The following SCMH1 variants were observed in gnomAD, a reference collection of about 807,000 sequenced individuals.
SCMH1 encodes the protein Scm polycomb group protein homolog 1, also known as polycomb protein SCMH1.
A neutral mutation model predicts 70.8 loss-of-function variants in SCMH1; 37 were observed. The observed-to-expected ratio is 0.52, with a 90% CI of 0.40 to 0.69. The LOEUF is 0.69. Ranked by LOEUF, SCMH1 falls within the 30% of genes least tolerant of loss-of-function variation. The probability of loss-of-function intolerance (pLI) is 0.00; values close to 1 mark genes in which losing one functional copy is unlikely to be tolerated. For synonymous variants in SCMH1, 292 were observed against 307.4 expected, an observed-to-expected ratio of 0.95 and a Z score of 0.52; for missense variants, 607 against 827.3, an observed-to-expected ratio of 0.73 and a Z score of 3.27.
chr1:41,149,328 C>T (rs1644859782), intron 5 of SCMH1, among the ~76,000 whole-genome samples: 1 of 152,132 alleles, frequency 6.6e-6, no homozygotes, highest in South Asian at 2.1e-4. Flanking sequence ...GTGTATTTTT[C>T]ATTTCCCACA....
chr1:41,138,224 G>A (rs1340723953), intron 6 of SCMH1, among the ~76,000 whole-genome samples: 1 of 152,016 alleles, frequency 6.6e-6, no homozygotes, highest in Non-Finnish European at 1.5e-5. Flanking sequence ...AAGTTTAGAA[G>A]AAATTTTCTT....
chr1:41,209,559 A>G (rs905491565), intron 1 of SCMH1, among the ~76,000 whole-genome samples: 2 of 152,286 alleles, frequency 1.3e-5, no homozygotes, highest in Non-Finnish European at 2.9e-5. Flanking sequence ...AGGCTGGTTC[A>G]ACATATGCAA....
At chr1:41,043,813 G>T (rs757163779) in intron 12 of SCMH1, 1 of 151,950 alleles carries the variant, frequency 6.6e-6, no homozygotes, top group Non-Finnish European at 1.5e-5. Context: ...AAACACAAAA[G>T]TATTTAAGGA....
At chr1:41,137,039 G>A (rs1055664479) in intron 6 of SCMH1, among the ~76,000 whole-genome samples, 4 of 151,934 alleles carry the variant, frequency 2.6e-5, no homozygotes, top group East Asian at 1.9e-4. Context: ...CCTTGGCCAC[G>A]CAAAGTTCTG....
At chr1:41,053,940 G>T (rs1302165727) in intron 10 of SCMH1, among the ~76,000 whole-genome samples, 1 of 152,084 alleles carries the variant, frequency 6.6e-6, no homozygotes, top group East Asian at 1.9e-4. Context: ...CGCCTCCCGG[G>T]TTCACGCCAT....
intron 6 of SCMH1, among the ~76,000 whole-genome samples, chr1:41,123,763 CAT>C (rs139587134): frequency 0.02 from 3,095 of 152,324 alleles, 106 homozygotes; most frequent in African/African-American, 0.071. Context: ...TACTCTACTA[CAT>C]GTTTTATCCT....
intron 6 of SCMH1, among the ~76,000 whole-genome samples, chr1:41,117,939 G>A (rs1009632245): frequency 6.6e-5 from 10 of 151,988 alleles, no homozygotes; most frequent in Non-Finnish European, 1.2e-4. Context: ...ACTGGTCTCT[G>A]TGTCTTGGTG....
intron 1 of SCMH1, among the ~76,000 whole-genome samples, chr1:41,192,397 C>T (rs893937196): frequency 2.0e-5 from 3 of 151,896 alleles, no homozygotes; most frequent in Non-Finnish European, 4.4e-5. Context: ...TTAACTTGAC[C>T]AAGTTAACTT....
At chr1:41,120,458 C>T (rs115204952) in intron 6 of SCMH1, among the ~76,000 whole-genome samples, 10 of 152,086 alleles carry the variant, frequency 6.6e-5, no homozygotes, top group South Asian at 2.1e-4. Context: ...TAGTAAATGC[C>T]GGAGACAGAT....
intron 4 of SCMH1, among the ~76,000 whole-genome samples, chr1:41,160,312 CTGAT>C (rs769021785): frequency 6.6e-6 from 1 of 152,154 alleles, no homozygotes; most frequent in Non-Finnish European, 1.5e-5. Context: ...TGCAGGAACT[CTGAT>C]TGAGAAGTAT....
chr1:41,129,967 T>C (rs1674220583), intron 6 of SCMH1, among the ~76,000 whole-genome samples: 1 of 152,142 alleles, frequency 6.6e-6, no homozygotes, highest in South Asian at 2.1e-4. Flanking sequence ...GACATTCCCA[T>C]TTCTCCACAT....
chr1:41,193,531 G>A (rs552984341), intron 1 of SCMH1, among the ~76,000 whole-genome samples: 2 of 152,080 alleles, frequency 1.3e-5, no homozygotes, highest in African/African-American at 4.8e-5. Context: ...GGTTGGGGGG[G>A]GGTTGAGGAA....
chr1:41,172,094 G>A (rs1419734496), intron 2 of SCMH1, among the ~76,000 whole-genome samples: 2 of 151,638 alleles, frequency 1.3e-5, no homozygotes, highest in African/African-American at 4.8e-5. Context: ...TGGAGGCTGA[G>A]GTGGGAGGAT....
At chr1:41,217,453 T>C (rs1167083059) in intron 1 of SCMH1, among the ~76,000 whole-genome samples, 1 of 152,226 alleles carries the variant, frequency 6.6e-6, no homozygotes, top group Non-Finnish European at 1.5e-5. Flanking sequence ...GAAAATTCTC[T>C]GCCTATCCAG....
intron 1 of SCMH1, among the ~76,000 whole-genome samples, chr1:41,229,260 T>C (rs543587295): frequency 2.0e-5 from 3 of 152,270 alleles, no homozygotes; most frequent in Non-Finnish European, 2.9e-5. Flanking sequence ...TTATATGCCA[T>C]GCACTGTGAT....
At chr1:41,200,830 A>G (rs1334817250) in intron 1 of SCMH1, among the ~76,000 whole-genome samples, 7 of 152,228 alleles carry the variant, frequency 4.6e-5, no homozygotes, top group Admixed American at 2.6e-4. Context: ...ATCTATAAAC[A>G]GGAGTCACCT....
chr1:41,164,859 ATTACT>A (rs941426598), intron 2 of SCMH1, among the ~76,000 whole-genome samples: 44 of 152,110 alleles, frequency 2.9e-4, no homozygotes, highest in South Asian at 2.1e-4. Context: ...TAGTATATCC[ATTACT>A]TTAAATATTT....
chr1:41,150,201 GTGACTTAAAAACCATTGT>G (rs1644941297), intron 5 of SCMH1, among the ~76,000 whole-genome samples: 1 of 152,112 alleles, frequency 6.6e-6, no homozygotes. Flanking sequence ...TTGATTTTTA[GTGACTTAAAAACCATTGT>G]TGGCTAGGCC....
chr1:41,100,631 T>C (rs1666362242), intron 8 of SCMH1, among the ~76,000 whole-genome samples: 2 of 151,418 alleles, frequency 1.3e-5, no homozygotes, highest in East Asian at 1.9e-4. Context: ...AGTGGCACGA[T>C]CTCGGCTCAC....
Sources: allele counts gnomAD v4.1 joint callset (sites outside exome capture counted in the v4.1 genomes callset), GRCh38; gene constraint gnomAD v4.1.1; transcripts MANE v1.5; gene names NCBI Gene and HGNC (gene_info 2026-07-23, HGNC 2026-07-21).